Variants in ASTN2 observed in about 807,000 individuals in gnomAD.
ASTN2 encodes the protein astrotactin 2, also known as astrotactin-2.
ASTN2 carries 54 observed loss-of-function variants against 139.8 expected under a neutral mutation model. The ratio of observed to expected loss-of-function variants is 0.39; its 90% CI spans 0.31 to 0.48. The LOEUF (loss-of-function observed/expected upper bound fraction) is 0.48, where lower values mean the gene tolerates loss of function less well. Ranked by LOEUF, ASTN2 falls within the 20% of genes least tolerant of loss-of-function variation. The pLI, the probability that ASTN2 is intolerant of heterozygous loss-of-function variation, is 0.95. For missense variants in ASTN2, 1,565 were observed against 1,725.1 expected (o/e 0.91, Z 1.64); for synonymous variants, 756 against 719.5 (o/e 1.05, Z -0.81).
chr9:117,076,385 A>G (rs761457725), intron 5 of ASTN2, among the ~76,000 whole-genome samples: 9 of 151,746 alleles, frequency 5.9e-5, no homozygotes, highest in Non-Finnish European at 1.3e-4. Flanking sequence ...CGAATAAAGG[A>G]AGGAAAGAAG....
intron 22 of ASTN2, among the ~76,000 whole-genome samples, chr9:116,439,787 A>C (rs925010583): frequency 6.6e-6 from 1 of 152,176 alleles, no homozygotes; most frequent in Non-Finnish European, 1.5e-5. Context: ...CCTAGACCAG[A>C]TGCCTATGTC....
intron 13 of ASTN2, among the ~76,000 whole-genome samples, chr9:116,772,410 A>G (rs1215481925): frequency 1.3e-5 from 2 of 152,078 alleles, no homozygotes; most frequent in South Asian, 2.1e-4. Context: ...GCCTTCCACC[A>G]TGATTGTGAG....
intron 7 of ASTN2, among the ~76,000 whole-genome samples, chr9:117,005,957 C>T (rs1204913086): frequency 2.0e-5 from 3 of 152,154 alleles, no homozygotes; most frequent in Non-Finnish European, 2.9e-5. Flanking sequence ...AACACAAGTG[C>T]AGGCTCCCAG....
chr9:117,298,395 G>C (rs2130795040), intron 1 of ASTN2, among the ~76,000 whole-genome samples: 1 of 152,230 alleles, frequency 6.6e-6, no homozygotes, highest in African/African-American at 2.4e-5. Context: ...GCTTGAATTT[G>C]CATCCCAGGT....
chr9:117,205,747 C>T (rs527952463), intron 3 of ASTN2, among the ~76,000 whole-genome samples: 3 of 152,224 alleles, frequency 2.0e-5, no homozygotes, highest in East Asian at 3.9e-4. Flanking sequence ...TCAAAAGTAG[C>T]GGTCGGTGTC....
intron 19 of ASTN2, chr9:116,568,433 T>C (rs1259606924): frequency 6.6e-6 from 1 of 152,202 alleles, no homozygotes; most frequent in Non-Finnish European, 1.5e-5. Context: ...AAATTCAATA[T>C]ATTTGAGAAC....
chr9:116,501,251 T>C (rs1166701679), intron 19 of ASTN2, among the ~76,000 whole-genome samples: 3 of 152,210 alleles, frequency 2.0e-5, no homozygotes, highest in African/African-American at 7.2e-5. Context: ...TTACTGAGAA[T>C]GATGATTTCC....
chr9:116,531,313 A>G (rs897446691), intron 19 of ASTN2, among the ~76,000 whole-genome samples: 17 of 152,228 alleles, frequency 1.1e-4, no homozygotes, highest in Admixed American at 3.9e-4. Flanking sequence ...GGGCATAATC[A>G]CAATTCTAAA....
intron 20 of ASTN2, among the ~76,000 whole-genome samples, chr9:116,456,416 A>G (rs977917104): frequency 5.9e-5 from 9 of 152,198 alleles, no homozygotes; most frequent in African/African-American, 2.2e-4. Context: ...AAAAATCCAT[A>G]TTACCCAAAG....
intron 3 of ASTN2, among the ~76,000 whole-genome samples, chr9:117,143,037 A>T (rs1830110993): frequency 2.6e-5 from 4 of 152,222 alleles, no homozygotes; most frequent in Non-Finnish European, 4.4e-5. Flanking sequence ...CTGTTTTCTC[A>T]GGGAAGCTTA....
At chr9:116,455,694 T>C (rs529446903) in intron 20 of ASTN2, among the ~76,000 whole-genome samples, 33 of 151,748 alleles carry the variant, frequency 2.2e-4, no homozygotes, top group Admixed American at 1.1e-3. Flanking sequence ...GAGTTTACTT[T>C]AACAGCAACA....
chr9:116,820,733 G>A lies in ASTN2; in HGVS notation c.2091C>T (p.His697=), dbSNP rs141955549. 9.3e-6 allele frequency: 15 copies of A among 1,614,112 alleles called. No homozygotes were observed. Among genetic ancestry groups the A allele is most frequent in the African/African-American group, 1.3e-5 (1 of 74,950 alleles). The stretch of plus-strand genomic sequence containing the variant: ...CATCAGAGCAGTCAATGCCTTTGGA[G>A]TGGTCGTAGCAGCCAGAGCCATCCT... The part of the protein sequence containing the change: ...PMKDGSGCYD[H]SKGIDCSDGF... Residue 697 remains histidine (H), a synonymous_variant, in exon 12 of 23, where the codon CAC becomes CAT. Transcript: ENST00000313400.
At chr9:116,774,944 G>A (rs1830042370) in intron 13 of ASTN2, among the ~76,000 whole-genome samples, 2 of 152,126 alleles carry the variant, frequency 1.3e-5, no homozygotes, top group South Asian at 4.2e-4. Flanking sequence ...CTTAAATCCT[G>A]CTAAATTGAG....
intron 10 of ASTN2, among the ~76,000 whole-genome samples, chr9:116,931,656 G>T (rs1345682888): frequency 6.6e-6 from 1 of 152,150 alleles, no homozygotes; most frequent in African/African-American, 2.4e-5. Flanking sequence ...GATATCATAG[G>T]TGTCAAAGCA....
intron 4 of ASTN2, among the ~76,000 whole-genome samples, chr9:117,107,878 T>TTC (rs1829146603): frequency 6.6e-6 from 1 of 152,236 alleles, no homozygotes; most frequent in African/African-American, 2.4e-5. Context: ...CAACCCTTTC[T>TTC]TCTAGTCTCT....
intron 3 of ASTN2, among the ~76,000 whole-genome samples, chr9:117,213,977 TGAA>T (rs1190409619): frequency 2.0e-5 from 3 of 152,162 alleles, no homozygotes; most frequent in Non-Finnish European, 2.9e-5. Context: ...TGGGGGACCG[TGAA>T]CACAGATTTC....
intron 17 of ASTN2, among the ~76,000 whole-genome samples, chr9:116,622,257 C>T (rs1856197101): frequency 1.3e-5 from 2 of 152,136 alleles, no homozygotes; most frequent in African/African-American, 2.4e-5. Flanking sequence ...CCTGTGTAAG[C>T]TTCCATCACA....
chr9:116,918,284 T>C (rs1428715206), intron 10 of ASTN2, among the ~76,000 whole-genome samples: 1 of 152,142 alleles, frequency 6.6e-6, no homozygotes, highest in Admixed American at 6.5e-5. Context: ...AGGCTGCTCA[T>C]TGAGCAGGAA....
chr9:117,254,612 G>A (rs1252808857), intron 2 of ASTN2, among the ~76,000 whole-genome samples: 7 of 152,090 alleles, frequency 4.6e-5, no homozygotes, highest in Admixed American at 1.3e-4. Flanking sequence ...TAAAGCAGTG[G>A]CATTTAAATT....
Sources: allele counts gnomAD v4.1 joint callset (sites outside exome capture counted in the v4.1 genomes callset), GRCh38; gene constraint gnomAD v4.1.1; transcripts MANE v1.5; gene names NCBI Gene and HGNC (gene_info 2026-07-23, HGNC 2026-07-21).